Variants in SLC5A8 observed in about 807,000 individuals in gnomAD.
SLC5A8 encodes sodium-coupled monocarboxylate transporter 1.
Under a neutral mutation model 71.9 loss-of-function variants are expected in SLC5A8, and 55 were observed. The observed-to-expected ratio is 0.77, with a 90% CI of 0.62 to 0.96. SLC5A8 has a LOEUF of 0.96. Ranked by LOEUF, SLC5A8 falls within the 40% of genes least tolerant of loss-of-function variation. The pLI, the probability that SLC5A8 is intolerant of heterozygous loss-of-function variation, is 0.00. For synonymous variants in SLC5A8, 307 were observed against 276.1 expected, an observed-to-expected ratio of 1.11 and a Z score of -1.11; for missense variants, 701 against 745.3, an observed-to-expected ratio of 0.94 and a Z score of 0.69.
chr12:101,174,635 T>G (rs1039783235), intron 10 of SLC5A8, among the ~76,000 whole-genome samples: 1 of 152,194 alleles, frequency 6.6e-6, no homozygotes, highest in Admixed American at 6.5e-5. Context: ...GAGCCAGGGT[T>G]GTAAATTCCT....
chr12:101,201,400 C>A (rs992439370), intron 3 of SLC5A8, among the ~76,000 whole-genome samples: 4 of 152,150 alleles, frequency 2.6e-5, no homozygotes, highest in African/African-American at 9.7e-5. Context: ...GTCATTTTAA[C>A]CCCAGGAATT....
At chr12:101,161,769 C>T (rs1279505706) in intron 13 of SLC5A8, among the ~76,000 whole-genome samples, 1 of 152,086 alleles carries the variant, frequency 6.6e-6, no homozygotes, top group Non-Finnish European at 1.5e-5. Context: ...TCATGCAGCC[C>T]CTAAAGGGCA....
chr12:101,166,406 T>G, intron 12 of SLC5A8, 88 bp downstream of exon 12: 2 of 1,082,860 alleles, frequency 1.8e-6, no homozygotes, highest in Non-Finnish European at 2.6e-6. Flanking sequence ...AAAATCACAG[T>G]GTTGTAAGCA....
At chr12:101,179,786 T>G (rs565099994) in intron 10 of SLC5A8, among the ~76,000 whole-genome samples, 140 of 152,284 alleles carry the variant, frequency 9.2e-4, no homozygotes, top group African/African-American at 2.9e-3. Context: ...ATGTTACCAC[T>G]GAGGGAAACT....
At chr12:101,205,925 C>T (rs907329925) in intron 1 of SLC5A8, among the ~76,000 whole-genome samples, 3 of 152,170 alleles carry the variant, frequency 2.0e-5, no homozygotes, top group Non-Finnish European at 4.4e-5. Context: ...GATCACTGAT[C>T]GGTGACAAAA....
chr12:101,198,186 T>G (rs1002071506), intron 3 of SLC5A8, among the ~76,000 whole-genome samples: 58 of 151,986 alleles, frequency 3.8e-4, no homozygotes, highest in African/African-American at 1.3e-3. Context: ...TTCAAAAAAA[T>G]TAATAACTTT....
chr12:101,186,707 G>A (rs1030266748), intron 7 of SLC5A8, among the ~76,000 whole-genome samples: 5 of 152,148 alleles, frequency 3.3e-5, no homozygotes, highest in African/African-American at 7.2e-5. Flanking sequence ...TACATCAGAG[G>A]GTGACTGTGA....
At chr12:101,168,315 C>T in intron 10 of SLC5A8, 133 bp from the exon 11 acceptor site, 2 of 799,490 alleles carry the variant, frequency 2.5e-6, no homozygotes, top group Non-Finnish European at 3.9e-6. Flanking sequence ...TCATGATAGC[C>T]TTATCACTGG....
At position 101,209,653 on chromosome 12, in the gene SLC5A8, T is replaced by C. The variant is rs773862792; in HGVS notation, c.196A>G (p.Met66Val). 8.1e-6 allele frequency: 13 copies of C among 1,613,766 alleles called. No homozygotes were observed. The highest frequency in any genetic ancestry group is 1.1e-5 in the Non-Finnish European group (13 of 1,180,026). Residue 66 changes from methionine (M) to valine (V), a missense_variant, in exon 1 of 15, where the codon ATG becomes GTG. Transcript: ENST00000536262. ...GTGCCCAGGACAGTGACGGCTGACA[T>C]GAAGCTAGCGGTGAGGGACAGCGCC... The part of the protein sequence containing the change: ...PVALSLTASF[M>V]SAVTVLGTPS...
chr12:101,189,971 C>A, intron 6 of SLC5A8, among the ~76,000 whole-genome samples: 1 of 152,170 alleles, frequency 6.6e-6, no homozygotes, highest in Non-Finnish European at 1.5e-5. Context: ...AAAGAGACTG[C>A]AGAATGTGCC....
Position 101,204,534 on chromosome 12 carries a change from C to G in SLC5A8, c.383G>C (p.Arg128Pro). 6.3e-7 allele frequency: 1 copy of G among 1,598,898 alleles called. No homozygotes were observed. Among genetic ancestry groups the G allele is most frequent in the South Asian group, 1.2e-5 (1 of 86,546 alleles). ...YLELRFNKCV[R>P]LCGTVLFIVQ... ...AATGAAGAGGACTGTTCCACAGAGA[C>G]GAACACATTTGTTAAATCGAAGTTC... The change falls in exon 2 of 15, where the codon CGT (arginine) becomes CCT (proline). Residue 128 changes from arginine (R) to proline (P), a missense_variant. Transcript: ENST00000536262.
chr12:101,172,188 C>G (rs918309105), intron 10 of SLC5A8, among the ~76,000 whole-genome samples: 1 of 151,342 alleles, frequency 6.6e-6, no homozygotes, highest in Non-Finnish European at 1.5e-5. Context: ...CTAGGAGGCA[C>G]TGGCTGCAGG....
chr12:101,158,056 A>T (rs1460296176), intron 14 of SLC5A8, among the ~76,000 whole-genome samples, 193 bp downstream of exon 14: 2 of 152,330 alleles, frequency 1.3e-5, no homozygotes, highest in South Asian at 2.1e-4. Context: ...GTATCAGAGG[A>T]TATGGAGCTA....
intron 6 of SLC5A8, among the ~76,000 whole-genome samples, chr12:101,189,079 T>C (rs1325230330): frequency 2.0e-5 from 3 of 152,188 alleles, no homozygotes; most frequent in Non-Finnish European, 4.4e-5. Context: ...CTTATGGGAA[T>C]TGATTTTTAT....
At chr12:101,204,002 T>C (rs147948775) in intron 2 of SLC5A8, among the ~76,000 whole-genome samples, 2 of 152,216 alleles carry the variant, frequency 1.3e-5, no homozygotes, top group South Asian at 2.1e-4. Context: ...GTTCTTGTAG[T>C]CTAATTTTTA....
At chr12:101,188,657 T>C (rs1421347611) in intron 6 of SLC5A8, among the ~76,000 whole-genome samples, 1 of 152,176 alleles carries the variant, frequency 6.6e-6, no homozygotes, top group African/African-American at 2.4e-5. Flanking sequence ...CTTCTACATA[T>C]AGCGATTCTC....
chr12:101,167,053 A>C (rs1041556344), intron 11 of SLC5A8, among the ~76,000 whole-genome samples: 1 of 152,180 alleles, frequency 6.6e-6, no homozygotes, highest in Non-Finnish European at 1.5e-5. Context: ...TACCGCCCCC[A>C]GAAAAGGACA....
Position 101,187,465 on chromosome 12 carries a change from A to G in SLC5A8, c.884T>C (p.Val295Ala), listed in dbSNP as rs770917879. Residue 295 changes from valine (V) to alanine (A), a missense_variant, in exon 7 of 15, where the codon GTG becomes GCG. Transcript: ENST00000536262. ...VGLWAILTCS[V>A]FCGLALYSRY... ...GGAATATAGGGCGAGCCCACAAAAC[A>G]CTGAGCATGTGAGGATTGCCCAGAG... 1.9e-6 allele frequency: 3 copies of G among 1,614,002 alleles called. No homozygotes were observed. The highest frequency in any genetic ancestry group is 2.5e-6 in the Non-Finnish European group (3 of 1,179,952).
At chr12:101,165,280 A>G (rs919880834) in intron 12 of SLC5A8, among the ~76,000 whole-genome samples, 2 of 152,226 alleles carry the variant, frequency 1.3e-5, no homozygotes, top group African/African-American at 4.8e-5. Context: ...TATTTGTTTC[A>G]GGAATCCAAA....
Sources: allele counts gnomAD v4.1 joint callset (sites outside exome capture counted in the v4.1 genomes callset), GRCh38; gene constraint gnomAD v4.1.1; transcripts MANE v1.5; gene names NCBI Gene and HGNC (gene_info 2026-07-23, HGNC 2026-07-21).